The following KIF13A variants were observed in gnomAD, a reference collection of about 807,000 sequenced individuals.
The protein encoded by KIF13A is kinesin family member 13A.
Under a neutral mutation model 212.2 loss-of-function variants are expected in KIF13A, and 79 were observed. That is an observed-to-expected ratio of 0.37 (90% CI 0.31 to 0.45). KIF13A has a LOEUF of 0.45. Ranked by LOEUF, KIF13A falls within the 20% of genes least tolerant of loss-of-function variation. KIF13A has a pLI of 1.00. For missense variants in KIF13A, 1,901 were observed against 2,209.0 expected (o/e 0.86, Z 2.79); for synonymous variants, 789 against 808.6 (o/e 0.98, Z 0.41).
chr6:17,863,027 G>A (rs1350103042), intron 4 of KIF13A, among the ~76,000 whole-genome samples: 2 of 152,228 alleles, frequency 1.3e-5, no homozygotes, highest in Non-Finnish European at 2.9e-5. Flanking sequence ...AGCCTAGGAG[G>A]TTGAGGCTAG....
At chr6:17,894,615 T>C in intron 3 of KIF13A, among the ~76,000 whole-genome samples, 1 of 152,166 alleles carries the variant, frequency 6.6e-6, no homozygotes, top group Non-Finnish European at 1.5e-5. Context: ...GTTTCCCCAA[T>C]TATTAACATC....
chr6:17,784,254 A>AC (rs1760854235), intron 28 of KIF13A, among the ~76,000 whole-genome samples: 2 of 151,980 alleles, frequency 1.3e-5, no homozygotes, highest in East Asian at 3.9e-4. Flanking sequence ...ATCTTGTCTT[A>AC]TAAAAAAAAA....
rs1779556828 is a variant in KIF13A, at chr6:17,968,877, G to T, written c.146+18177C>A. ...CAGACTAGAAGCACTAGAACCACCA[G>T]TGATGTGACAGACACAACCTGAGGA... On this transcript the variant is annotated intron_variant, in intron 2 of 38. Transcript: ENST00000259711. The surrounding 1 kb of genome is among the most constrained non-coding windows in gnomAD (Gnocchi z 4.7). Among the ~76,000 whole-genome samples the T allele has an allele frequency of 6.6e-6, 1 of 152,202 alleles. No homozygotes were observed. The highest frequency in any genetic ancestry group is 2.1e-4 in the South Asian group (1 of 4,834).
At position 17,835,195 on chromosome 6, in the gene KIF13A, C is replaced by CAAAAAAAAAAAAAAAAAAAAAAAAAA. The variant is rs61697144; in HGVS notation, c.1156-1150_1156-1125dup. 4.4e-5 allele frequency among the ~76,000 whole-genome samples: 2 copies of CAAAAAAAAAAAAAAAAAAAAAAAAAA among 45,952 alleles called. 1 individual carries two copies. The highest frequency in any genetic ancestry group is 8.3e-5 in the Non-Finnish European group (2 of 24,230). 30.1% of individuals were successfully genotyped at this position (45,952 alleles called of 152,430 possible). Reference sequence around the variant, plus strand: ...AGAGACTCTGTCCACCCGCCCCCGCCAAAAAAAAAAAAAAAAAAAAAAAAA... The same window carrying CAAAAAAAAAAAAAAAAAAAAAAAAAA: ...AGAGACTCTGTCCACCCGCCCCCGCCAAAAAAAAAAAAAAAAAAAAAAAAAAAAAAAAAAAAAAAAAAAAAAAAAAA... On this transcript the variant is annotated intron_variant, in intron 11 of 38. Transcript: ENST00000259711.
At position 17,787,559 on chromosome 6, in the gene KIF13A, G is replaced by C. The variant is rs1761163203; in HGVS notation, c.3361+217C>G. Among the ~76,000 whole-genome samples, 1 of 152,142 alleles carries C rather than the reference G, an allele frequency of 6.6e-6. No individual in the cohort carries two copies. The highest frequency in any genetic ancestry group is 1.5e-5 in the Non-Finnish European group (1 of 68,030). On this transcript the variant is annotated intron_variant, in intron 27 of 38. Transcript: ENST00000259711. This position sits in a 1 kb window ranked among gnomAD's most constrained non-coding sequence, Gnocchi z 4.6. ...TCAGCTACTCAGGAGGCTGAGGCAG[G>C]AGGATCTCTTGAGGCCAGGAGTTAG... is the stretch of plus-strand genomic sequence containing the variant.
In KIF13A at chr6:17,892,288, C is replaced by T. The variant is rs1013006270; in HGVS notation, c.159+5880G>A. 2.0e-5 allele frequency among the ~76,000 whole-genome samples: 3 copies of T among 152,188 alleles called. No homozygotes were observed. The highest frequency in any genetic ancestry group is 2.9e-5 in the Non-Finnish European group (2 of 68,030). On this transcript the variant is annotated intron_variant, in intron 3 of 38. Coordinates refer to ENST00000259711, the MANE Select transcript of KIF13A (RefSeq NM_022113.6). The surrounding 1 kb of genome is among the most constrained non-coding windows in gnomAD (Gnocchi z 4.7). Reference sequence around the variant, plus strand: ...GGTTACTTTATTTCTGTAATGTTTTCGTAATTCTTCCCTTCCTCTTTCCTG... The same window carrying T: ...GGTTACTTTATTTCTGTAATGTTTTTGTAATTCTTCCCTTCCTCTTTCCTG...
rs1321877197 is a variant in KIF13A at position 17,839,385 on chromosome 6, A to G, written c.831-1802T>C. ...TTTATCCACAAAAGTCAAAATGTGG[A>G]AACGACCACATGCCCATCAAATGAT... On this transcript the variant is annotated intron_variant, in intron 9 of 38. Transcript: ENST00000259711. The surrounding 1 kb of genome is among the most constrained non-coding windows in gnomAD (Gnocchi z 4.3). Among the ~76,000 whole-genome samples, 1 of 152,232 alleles carries G rather than the reference A, an allele frequency of 6.6e-6. No individual in the cohort carries two copies.
intron 2 of KIF13A, among the ~76,000 whole-genome samples, chr6:17,975,925 T>A (rs189164880): frequency 6.7e-6 from 1 of 149,758 alleles, no homozygotes; most frequent in South Asian, 2.1e-4. Flanking sequence ...GAGCTAGACA[T>A]AAAGGTTCTC....
chr6:17,792,678 C>T (rs770813069), intron 25 of KIF13A, among the ~76,000 whole-genome samples: 1 of 152,170 alleles, frequency 6.6e-6, no homozygotes, highest in East Asian at 1.9e-4. Flanking sequence ...GTCCTTGCAC[C>T]TACACTCATA....
At chr6:17,957,961 C>T (rs761311939) in intron 2 of KIF13A, among the ~76,000 whole-genome samples, 4 of 152,282 alleles carry the variant, frequency 2.6e-5, no homozygotes, top group Non-Finnish European at 4.4e-5. Context: ...AAAGAACAGC[C>T]TGAGGTTTAG....
In KIF13A at chr6:17,897,744, T is replaced by C. The variant is rs1055104615; in HGVS notation, c.159+424A>G. ...AGGAAAAGATCGTTTGTCCAATCAG[T>C]AATCACAGTTACCAACTGCCATCCT... On this transcript the variant is annotated intron_variant, in intron 3 of 38. Transcript: ENST00000259711. This position sits in a 1 kb window ranked among gnomAD's most constrained non-coding sequence, Gnocchi z 4.8. Among the ~76,000 whole-genome samples, 24 of 152,216 alleles carry C rather than the reference T, an allele frequency of 1.6e-4. No homozygotes were observed. The highest frequency in any genetic ancestry group is 5.3e-4 in the African/African-American group (22 of 41,454).
chr6:17,793,477 T>C (rs1464572398), intron 25 of KIF13A, among the ~76,000 whole-genome samples: 2 of 152,222 alleles, frequency 1.3e-5, no homozygotes, highest in Non-Finnish European at 2.9e-5. Context: ...GGTTTTCATC[T>C]TTTTATTTTT....
chr6:17,805,685 AC>A (rs1762879264), intron 18 of KIF13A, 70 bp from the exon 19 acceptor site: 1 of 1,366,952 alleles, frequency 7.3e-7, no homozygotes, highest in African/African-American at 1.5e-5. Context: ...CAATATATAT[AC>A]AACAGTAACA....
At chr6:17,822,018 G>A in intron 16 of KIF13A, 3 of 1,147,884 alleles carry the variant, frequency 2.6e-6, no homozygotes, top group Non-Finnish European at 3.6e-6. Flanking sequence ...CTGGGTAAAG[G>A]ATGGGGTAGG....
chr6:17,913,429 C>T (rs1774246419), intron 2 of KIF13A, among the ~76,000 whole-genome samples: 1 of 152,146 alleles, frequency 6.6e-6, no homozygotes, highest in African/African-American at 2.4e-5. Context: ...ACATTCCTTG[C>T]TCTTACAGCA....
Position 17,892,325 on chromosome 6 carries a change from A to T in KIF13A, c.159+5843T>A, listed in dbSNP as rs1427557989. The stretch of plus-strand genomic sequence containing the variant: ...CTTCCTCTTTCCTGCTCTAATGGGC[A>T]CTGCTCCTGTGCAAACCCTTATTTC... On this transcript the variant is annotated intron_variant, in intron 3 of 38. Coordinates refer to ENST00000259711, the MANE Select transcript of KIF13A (RefSeq NM_022113.6). This position sits in a 1 kb window ranked among gnomAD's most constrained non-coding sequence, Gnocchi z 4.7. Among the ~76,000 whole-genome samples the T allele has an allele frequency of 6.6e-6, 1 of 152,160 alleles. No homozygotes were observed. Among genetic ancestry groups the T allele is most frequent in the Non-Finnish European group, 1.5e-5 (1 of 68,020 alleles).
intron 9 of KIF13A, among the ~76,000 whole-genome samples, chr6:17,842,727 TA>T (rs572796647): frequency 6.6e-6 from 1 of 150,848 alleles, no homozygotes; most frequent in East Asian, 2.0e-4. Flanking sequence ...GAATTTTTTT[TA>T]AAAAAATCTA....
In KIF13A at chr6:17,800,002, C is replaced by T. The variant is rs547042809; in HGVS notation, c.2566G>A (p.Val856Ile). ...TGAATGATTTCCCCGCTGCTGTCTA[C>T]GACTTCAAGGCTCCCACTTTCACTG... The part of the protein sequence containing the change: ...NSSESGSLEV[V>I]DSSGEIIHRV... Residue 856 changes from valine to isoleucine, a missense_variant, in exon 21 of 39, where the codon GTA becomes ATA. By Grantham distance (29) the Val-to-Ile change is conservative. This residue lies in a region of KIF13A where 534 missense variants were observed against 536.9 expected (regional missense o/e 0.99). Coordinates refer to ENST00000259711, the MANE Select transcript of KIF13A (RefSeq NM_022113.6). 52 of 1,614,006 alleles carry T rather than the reference C, an allele frequency of 3.2e-5. No homozygotes were observed. Among genetic ancestry groups the T allele is most frequent in the East Asian group, 2.5e-4 (11 of 44,890 alleles).
chr6:17,765,114 G>A (rs1758826874), intron 38 of KIF13A, among the ~76,000 whole-genome samples, 168 bp from the exon 39 acceptor site: 1 of 152,140 alleles, frequency 6.6e-6, no homozygotes, highest in African/African-American at 2.4e-5. Context: ...GTAGATATAG[G>A]TGTATCAGTA....
Sources: gnomAD v4.1 joint callset for allele counts (sites outside exome capture counted in the v4.1 genomes callset) on GRCh38, gnomAD v4.1.1 for gene constraint, gnomAD v4.1.1 regional missense constraint, Gnocchi (gnomAD v3.1) non-coding constraint, MANE v1.5 for transcripts, NCBI Gene and HGNC (gene_info 2026-07-23, HGNC 2026-07-21) for gene names.